Variants in DOK6 observed in about 807,000 individuals in gnomAD.
DOK6 encodes the protein docking protein 6, also known as downstream of tyrosine kinase 6.
DOK6 carries 22 observed loss-of-function variants against 44.0 expected under a neutral mutation model. The ratio of observed to expected loss-of-function variants is 0.50; its 90% CI spans 0.36 to 0.71. The LOEUF (loss-of-function observed/expected upper bound fraction) is 0.71, where lower values mean the gene tolerates loss of function less well. DOK6 is among the 30% of genes least tolerant of loss of function. The pLI is 0.00. For missense variants in DOK6, 340 were observed against 416.4 expected (o/e 0.82, Z 1.60); for synonymous variants, 166 against 145.5 (o/e 1.14, Z -1.01).
chr18:69,527,614 C>T (rs1981866998), intron 1 of DOK6, among the ~76,000 whole-genome samples: 1 of 152,166 alleles, frequency 6.6e-6, no homozygotes, highest in Admixed American at 6.5e-5. Flanking sequence ...CAAACCATAG[C>T]ATAATGCAAT....
chr18:69,435,190 G>C (rs1253911831), intron 1 of DOK6, among the ~76,000 whole-genome samples: 2 of 152,200 alleles, frequency 1.3e-5, no homozygotes, highest in African/African-American at 4.8e-5. Context: ...CTGGAACTGG[G>C]ATGGGCCTTC....
chr18:69,411,771 A>G (rs949151123), intron 1 of DOK6, among the ~76,000 whole-genome samples: 3 of 152,096 alleles, frequency 2.0e-5, no homozygotes, highest in Non-Finnish European at 4.4e-5. Context: ...TACCTCCTCA[A>G]GTATCAGTTC....
chr18:69,814,819 C>A (rs1256119835), intron 7 of DOK6, among the ~76,000 whole-genome samples: 1 of 152,176 alleles, frequency 6.6e-6, no homozygotes, highest in South Asian at 2.1e-4. Context: ...CACTTTCCAC[C>A]AGGACCCTCC....
At chr18:69,708,182 C>A (rs1471593138) in intron 5 of DOK6, among the ~76,000 whole-genome samples, 6 of 152,094 alleles carry the variant, frequency 3.9e-5, no homozygotes, top group African/African-American at 1.2e-4. Flanking sequence ...AGCAAGTAAA[C>A]AGATTTAAAT....
chr18:69,843,551 A>G lies in DOK6; in HGVS notation c.*2168A>G, dbSNP rs1182958756. The G allele has an allele frequency of 2.6e-5, 4 of 152,216 alleles. No individual in the cohort carries two copies. The highest frequency in any genetic ancestry group is 9.6e-5 in the African/African-American group (4 of 41,456). The allele number at this position is 152,216 out of a possible 1,614,324, so 9.4% of individuals were successfully genotyped here. A position where few individuals can be genotyped will look rare whatever the true frequency, so the allele number is the denominator to read the frequency against. On this transcript the variant is annotated 3_prime_UTR_variant, in exon 8 of 8. Coordinates refer to ENST00000382713, the MANE Select transcript of DOK6 (RefSeq NM_152721.6). The stretch of plus-strand genomic sequence containing the variant: ...CCTGGTTCACATCTCAGCTTTATTC[A>G]TGTGCTGGAAGCACAAACAGCGAGT...
At chr18:69,840,941 C>T (rs993009397) in intron 7 of DOK6, among the ~76,000 whole-genome samples, 1 of 152,182 alleles carries the variant, frequency 6.6e-6, no homozygotes, top group African/African-American at 2.4e-5. Flanking sequence ...AGTTGAAGAA[C>T]AGCAGAAGTT....
rs763327726 is a variant in DOK6, at chr18:69,622,510, G to A, written c.289+23012G>A. Among the ~76,000 whole-genome samples the A allele has an allele frequency of 5.2e-4, 79 of 152,276 alleles. 1 individual carries two copies. The Middle Eastern group carries it at 0.01, about 20-fold the overall frequency. ...ACAGGATTTTTTGTTTAAGTATACT[G>A]TTGCCATTTGCTTCAAGCTATATTT... On this transcript the variant is annotated intron_variant, in intron 3 of 7. Transcript: ENST00000382713.
chr18:69,653,361 TG>T (rs1985281235), intron 3 of DOK6, among the ~76,000 whole-genome samples: 1 of 151,354 alleles, frequency 6.6e-6, no homozygotes, highest in Admixed American at 6.6e-5. Flanking sequence ...AGCCAGGACT[TG>T]GGGAGCTGAG....
At chr18:69,401,378 G>GTT in intron 1 of DOK6, 68 bp downstream of exon 1, 1 of 1,412,414 alleles carries the variant, frequency 7.1e-7, no homozygotes, top group Non-Finnish European at 9.4e-7. Flanking sequence ...CTGGGGGGGG[G>GTT]GCAGGGAGAG....
chr18:69,714,250 GAT>G (rs1249442160), intron 5 of DOK6, among the ~76,000 whole-genome samples: 1 of 152,156 alleles, frequency 6.6e-6, no homozygotes, highest in African/African-American at 2.4e-5. Context: ...CTACAGTTGG[GAT>G]ATTAAATAGA....
intron 7 of DOK6, among the ~76,000 whole-genome samples, chr18:69,789,414 A>G (rs1057288108): frequency 1.3e-5 from 2 of 152,116 alleles, no homozygotes; most frequent in Non-Finnish European, 2.9e-5. Context: ...CAACTCAACT[A>G]TAAATAAAGT....
intron 3 of DOK6, among the ~76,000 whole-genome samples, chr18:69,630,168 G>A (rs1022753953): frequency 6.6e-6 from 1 of 151,864 alleles, no homozygotes; most frequent in East Asian, 1.9e-4. Context: ...GGTTATATAA[G>A]CCCACCCTGT....
At chr18:69,448,115 T>A (rs961994400) in intron 1 of DOK6, among the ~76,000 whole-genome samples, 1 of 152,206 alleles carries the variant, frequency 6.6e-6, no homozygotes, top group African/African-American at 2.4e-5. Context: ...CCATCACTCA[T>A]CTGGAAAGTG....
intron 5 of DOK6, among the ~76,000 whole-genome samples, chr18:69,730,316 G>T (rs1255656771): frequency 6.6e-6 from 1 of 152,104 alleles, no homozygotes; most frequent in Non-Finnish European, 1.5e-5. Context: ...AAGTCTAGTT[G>T]GGAAAACATC....
chr18:69,652,277 T>C (rs1391114186), intron 3 of DOK6, among the ~76,000 whole-genome samples: 5 of 152,254 alleles, frequency 3.3e-5, no homozygotes, highest in African/African-American at 1.2e-4. Flanking sequence ...AGTACCTATT[T>C]ATTGAAATCT....
At chr18:69,510,258 C>T (rs1461719516) in intron 1 of DOK6, among the ~76,000 whole-genome samples, 2 of 152,148 alleles carry the variant, frequency 1.3e-5, no homozygotes, top group Non-Finnish European at 2.9e-5. Flanking sequence ...TTCTTCATTA[C>T]TTGTATATTC....
At chr18:69,585,485 C>T (rs1039127540) in intron 2 of DOK6, among the ~76,000 whole-genome samples, 6 of 152,098 alleles carry the variant, frequency 3.9e-5, no homozygotes, top group African/African-American at 1.4e-4. Context: ...GTATATAGGG[C>T]CACATAGATA....
chr18:69,574,877 A>G (rs1983202113), intron 2 of DOK6, among the ~76,000 whole-genome samples: 1 of 152,064 alleles, frequency 6.6e-6, no homozygotes, highest in South Asian at 2.1e-4. Flanking sequence ...TTAATTAAAT[A>G]TTATAATATT....
intron 3 of DOK6, among the ~76,000 whole-genome samples, chr18:69,668,875 A>G (rs1555721803): frequency 6.6e-6 from 1 of 152,222 alleles, no homozygotes; most frequent in Non-Finnish European, 1.5e-5. Context: ...CAGAGTTTGT[A>G]ATTAAAAGTA....
Sources: gnomAD v4.1 joint callset for allele counts (sites outside exome capture counted in the v4.1 genomes callset) on GRCh38, gnomAD v4.1.1 for gene constraint, MANE v1.5 for transcripts, NCBI Gene and HGNC (gene_info 2026-07-23, HGNC 2026-07-21) for gene names.